Variants in ZNF469 observed in about 807,000 individuals in gnomAD.
ZNF469 encodes zinc finger protein 469.
A neutral mutation model predicts 1.0 loss-of-function variants in ZNF469; 1 was observed. The observed-to-expected ratio is 1.00, with a 90% CI of 0.35 to 4.73. The LOEUF is 4.73. ZNF469 is among the 30% of genes most tolerant of loss of function. The probability of loss-of-function intolerance (pLI) is 0.16; values close to 1 mark genes in which losing one functional copy is unlikely to be tolerated. For synonymous variants in ZNF469, 2,703 were observed against 2,363.4 expected, an observed-to-expected ratio of 1.14 and a Z score of -4.17; for missense variants, 6,100 against 5,356.3, an observed-to-expected ratio of 1.14 and a Z score of -4.33.
Position 88,429,095 on chromosome 16 carries a change from G to A in ZNF469, c.1625G>A (p.Gly542Asp), listed in dbSNP as rs2142299887. The part of the protein sequence containing the change: ...EKLPAVRSSQ[G>D]GSPALFTYNG... ...CTGCCAGCCGTGAGAAGCAGCCAGG[G>A]CGGCTCCCCAGCACTGTTCACCTAC... The change falls in exon 3 of 3, where the codon GGC becomes GAC. Residue 542 changes from glycine (G) to aspartate (D), a missense_variant. Coordinates refer to ENST00000565624, the MANE Select transcript of ZNF469 (RefSeq NM_001367624.2). The A allele has an allele frequency of 6.5e-7, 1 of 1,550,014 alleles. No individual in the cohort carries two copies. Among genetic ancestry groups the A allele is most frequent in the Non-Finnish European group, 8.7e-7 (1 of 1,146,874 alleles).
the ZNF469 span, among the ~76,000 whole-genome samples, chr16:88,170,677 C>T: frequency 6.6e-6 from 1 of 152,172 alleles, no homozygotes; most frequent in African/African-American, 2.4e-5. This position sits in a 1 kb window ranked among gnomAD's most constrained non-coding sequence, Gnocchi z 4.2. Flanking sequence ...CTTGTCTGCT[C>T]GTCTGCCAAG....
chr16:88,259,237 G>A, the ZNF469 span, among the ~76,000 whole-genome samples: 1 of 152,042 alleles, frequency 6.6e-6, no homozygotes, highest in Non-Finnish European at 1.5e-5. The surrounding 1 kb of genome is among the most constrained non-coding windows in gnomAD (Gnocchi z 4.1). Context: ...TTCCTCCCGG[G>A]CAAGCCGACC....
the ZNF469 span, among the ~76,000 whole-genome samples, chr16:88,256,616 T>C: frequency 6.6e-6 from 1 of 152,210 alleles, no homozygotes; most frequent in African/African-American, 2.4e-5. Context: ...TTTTAGCTTT[T>C]TAAGAAGCTA....
At chr16:88,169,444 T>C in the ZNF469 span, among the ~76,000 whole-genome samples, 1 of 152,104 alleles carries the variant, frequency 6.6e-6, no homozygotes, top group Non-Finnish European at 1.5e-5. This position sits in a 1 kb window ranked among gnomAD's most constrained non-coding sequence, Gnocchi z 6.1. Flanking sequence ...CTGGAGATGA[T>C]TTTGCCTGTT....
chr16:88,242,032 C>T, the ZNF469 span, among the ~76,000 whole-genome samples: 2 of 152,190 alleles, frequency 1.3e-5, no homozygotes, highest in African/African-American at 4.8e-5. Flanking sequence ...CTGTTAAAGG[C>T]TGAGCAAGGA....
chr16:88,213,273 G>C, the ZNF469 span, among the ~76,000 whole-genome samples: 1 of 151,988 alleles, frequency 6.6e-6, no homozygotes, highest in Non-Finnish European at 1.5e-5. Context: ...TAATGTTTTT[G>C]TATTTTTAGT....
the ZNF469 span, among the ~76,000 whole-genome samples, chr16:88,271,976 A>C: frequency 6.6e-6 from 1 of 151,928 alleles, no homozygotes; most frequent in Non-Finnish European, 1.5e-5. Flanking sequence ...AGGTGAATGG[A>C]TAGATGAGTG....
chr16:88,440,069 C>G lies in ZNF469; in HGVS notation c.*737C>G, dbSNP rs1906895197. The G allele has an allele frequency of 6.5e-6, 1 of 154,428 alleles. No homozygotes were observed. The highest frequency in any genetic ancestry group is 1.4e-5 in the Non-Finnish European group (1 of 69,408). 9.6% of individuals were successfully genotyped at this position (154,428 alleles called of 1,614,324 possible). A position where few individuals can be genotyped will look rare whatever the true frequency, so the allele number is the denominator to read the frequency against. ...GCGGGCCCTCCTCGTTCCCTCCCAG[C>G]CTCCATGGCCGCCCTCTAGAGCCTC... On this transcript the variant is annotated 3_prime_UTR_variant, in exon 3 of 3. Transcript: ENST00000565624.
chr16:88,422,162 AGGTG>A, intron 1 of ZNF469, among the ~76,000 whole-genome samples: 1 of 129,072 alleles, frequency 7.7e-6, no homozygotes, highest in Admixed American at 7.6e-5. Context: ...GTGGATGGGC[AGGTG>A]GATGGGCAGG....
chr16:88,216,227 G>A, the ZNF469 span, among the ~76,000 whole-genome samples: 1 of 152,262 alleles, frequency 6.6e-6, no homozygotes, highest in African/African-American at 2.4e-5. Flanking sequence ...CGGGTGCAGT[G>A]GCTCACGGCT....
upstream of ZNF469, among the ~76,000 whole-genome samples, chr16:88,382,432 T>C (rs560379771): frequency 3.9e-5 from 6 of 152,332 alleles, no homozygotes; most frequent in East Asian, 1.2e-3. Flanking sequence ...GTCCCAGGGC[T>C]GGACAAGGGA....
intron 2 of ZNF469, among the ~76,000 whole-genome samples, chr16:88,425,408 G>T (rs1905656248): frequency 1.3e-5 from 2 of 152,244 alleles, no homozygotes; most frequent in African/African-American, 4.8e-5. Flanking sequence ...CCTGGCCCCA[G>T]TGGGTGTCTG....
At chr16:88,343,953 A>G in the ZNF469 span, among the ~76,000 whole-genome samples, 2 of 152,176 alleles carry the variant, frequency 1.3e-5, no homozygotes, top group Non-Finnish European at 2.9e-5. Flanking sequence ...GGTCAAGGTC[A>G]TCCTTGACCA....
intron 1 of ZNF469, among the ~76,000 whole-genome samples, chr16:88,389,155 C>T (rs1904415503): frequency 6.6e-6 from 1 of 152,214 alleles, no homozygotes; most frequent in Non-Finnish European, 1.5e-5. Flanking sequence ...ACCCTGTGCC[C>T]ATGAAGAAGT....
chr16:88,359,446 G>C, the ZNF469 span, among the ~76,000 whole-genome samples: 1 of 152,220 alleles, frequency 6.6e-6, no homozygotes, highest in Non-Finnish European at 1.5e-5. Flanking sequence ...CTGCTTTTGT[G>C]CTCTGTTTCC....
At chr16:88,225,742 C>A in the ZNF469 span, among the ~76,000 whole-genome samples, 20 of 152,296 alleles carry the variant, frequency 1.3e-4, no homozygotes, top group Non-Finnish European at 2.2e-4. Flanking sequence ...TGAGGACACA[C>A]AGGAAACACT....
At chr16:88,104,607 C>T in the ZNF469 span, among the ~76,000 whole-genome samples, 3 of 152,368 alleles carry the variant, frequency 2.0e-5, no homozygotes, top group East Asian at 1.9e-4. Flanking sequence ...GTGTCTCCCT[C>T]GCTCAGCGTC....
chr16:88,105,789 G>A, the ZNF469 span, among the ~76,000 whole-genome samples: 2 of 152,240 alleles, frequency 1.3e-5, no homozygotes, highest in African/African-American at 4.8e-5. Flanking sequence ...CTGGGTAGGG[G>A]GATAACGGCA....
At chr16:88,248,825 T>C in the ZNF469 span, among the ~76,000 whole-genome samples, 1 of 152,184 alleles carries the variant, frequency 6.6e-6, no homozygotes, top group South Asian at 2.1e-4. Flanking sequence ...AGAAGCCAGC[T>C]GTCGGGCTGA....
Sources: gnomAD v4.1 joint callset for allele counts (sites outside exome capture counted in the v4.1 genomes callset) on GRCh38, gnomAD v4.1.1 for gene constraint, Gnocchi (gnomAD v3.1) non-coding constraint, MANE v1.5 for transcripts, NCBI Gene and HGNC (gene_info 2026-07-23, HGNC 2026-07-21) for gene names.